Variants in PTPRD observed in about 807,000 individuals in gnomAD.
PTPRD encodes the protein receptor-type tyrosine-protein phosphatase delta.
In PTPRD, 34 loss-of-function variants were observed where a neutral mutation model predicts 214.5. That is an observed-to-expected ratio of 0.16 (90% confidence interval 0.12 to 0.21). The LOEUF is 0.21. Ranked by LOEUF, PTPRD falls within the 10% of genes least tolerant of loss-of-function variation. The probability of loss-of-function intolerance (pLI) is 1.00; values close to 1 mark genes in which losing one functional copy is unlikely to be tolerated. For missense variants in PTPRD, 2,545 were observed against 2,398.7 expected, an observed-to-expected ratio of 1.06 and a Z score of -1.27; for synonymous variants, 1,128 against 845.7, an observed-to-expected ratio of 1.33 and a Z score of -5.79.
chr9:9,420,246 G>T (rs1297714412), intron 8 of PTPRD, among the ~76,000 whole-genome samples: 2 of 151,716 alleles, frequency 1.3e-5, no homozygotes, highest in Non-Finnish European at 3.0e-5. Flanking sequence ...TTCTGTAGTG[G>T]ATCTGAAGTG....
At chr9:10,335,903 T>C (rs914992026) in intron 3 of PTPRD, among the ~76,000 whole-genome samples, 22 of 151,908 alleles carry the variant, frequency 1.4e-4, no homozygotes, top group Admixed American at 6.6e-4. Flanking sequence ...CAGTACGTAC[T>C]TATTAGAATG....
intron 2 of PTPRD, among the ~76,000 whole-genome samples, chr9:10,558,736 TTTACAAGTG>T (rs1441470678): frequency 6.6e-6 from 1 of 152,128 alleles, no homozygotes; most frequent in African/African-American, 2.4e-5. Flanking sequence ...TAGTACAACC[TTTACAAGTG>T]TTTGAAGAAT....
At chr9:9,967,990 T>C (rs2094825499) in intron 4 of PTPRD, among the ~76,000 whole-genome samples, 1 of 152,190 alleles carries the variant, frequency 6.6e-6, no homozygotes, top group Non-Finnish European at 1.5e-5. Flanking sequence ...AGAGAAGCTT[T>C]TGTATAAACT....
intron 10 of PTPRD, among the ~76,000 whole-genome samples, chr9:9,111,786 T>TA (rs1025102082): frequency 1.3e-5 from 2 of 152,260 alleles, no homozygotes; most frequent in South Asian, 2.1e-4. Context: ...AAACATTTTT[T>TA]AAAAAAACTC....
At position 9,938,295 on chromosome 9, in the gene PTPRD, A is replaced by G. The variant is rs185705310; in HGVS notation, c.-368+212T>C. ...TCCATTCATAGTTACCTGTTCTACAACTTGAAATTAGGTGGATTAAAAAGT... is the reference window on the plus strand; with the variant it reads ...TCCATTCATAGTTACCTGTTCTACAGCTTGAAATTAGGTGGATTAAAAAGT... On this transcript the variant is annotated intron_variant, in intron 5 of 45. Transcript: ENST00000381196. Among the ~76,000 whole-genome samples, 3 of 152,308 alleles carry G rather than the reference A, an allele frequency of 2.0e-5. No individual in the cohort carries two copies. The East Asian group carries it at 5.8e-4, about 29-fold the overall frequency.
intron 2 of PTPRD, among the ~76,000 whole-genome samples, chr9:10,489,821 C>T (rs1392717406): frequency 6.6e-6 from 1 of 152,080 alleles, no homozygotes; most frequent in African/African-American, 2.4e-5. Context: ...GGTGTGCTTT[C>T]CTCTCCCCAG....
At chr9:10,263,474 G>A (rs753972263) in intron 3 of PTPRD, among the ~76,000 whole-genome samples, 3 of 152,110 alleles carry the variant, frequency 2.0e-5, no homozygotes, top group Non-Finnish European at 2.9e-5. Flanking sequence ...ATGGAGATGA[G>A]GAACTTGTTG....
chr9:10,469,793 A>G (rs1361454735), intron 2 of PTPRD, among the ~76,000 whole-genome samples: 1 of 152,152 alleles, frequency 6.6e-6, no homozygotes, highest in Non-Finnish European at 1.5e-5. Context: ...AGAAAATGTC[A>G]TATGTATACA....
At chr9:8,470,974 G>C (rs1359120) in intron 31 of PTPRD, 21 bp downstream of exon 31, 2 of 1,592,448 alleles carry the variant, frequency 1.3e-6, no homozygotes, top group South Asian at 1.1e-5. Context: ...TAAAAGACAT[G>C]GCCAACAATG....
At chr9:10,148,698 T>C (rs2099040580) in intron 3 of PTPRD, among the ~76,000 whole-genome samples, 1 of 152,184 alleles carries the variant, frequency 6.6e-6, no homozygotes, top group Admixed American at 6.5e-5. Flanking sequence ...TGGCTGATAG[T>C]AGAATCACCT....
chr9:9,510,190 A>G (rs1027966362), intron 8 of PTPRD, among the ~76,000 whole-genome samples: 7 of 151,860 alleles, frequency 4.6e-5, no homozygotes, highest in African/African-American at 1.7e-4. Flanking sequence ...TGGCCTCATC[A>G]ACACTTATTT....
intron 10 of PTPRD, among the ~76,000 whole-genome samples, chr9:9,027,807 G>A (rs545705436): frequency 3.9e-5 from 6 of 151,954 alleles, no homozygotes; most frequent in East Asian, 1.9e-4. Context: ...GATCTGCTTT[G>A]TCAAACTTAT....
chr9:9,402,937 G>A lies in PTPRD; in HGVS notation c.-236-5455C>T, dbSNP rs138023840. Among the ~76,000 whole-genome samples, 918 of 121,706 alleles carry A rather than the reference G, an allele frequency of 7.5e-3. 6 individuals are homozygous for A. The highest frequency in any genetic ancestry group is 0.013 in the Non-Finnish European group (780 of 61,930). 79.8% of individuals were successfully genotyped at this position (121,706 alleles called of 152,430 possible). On this transcript the variant is annotated intron_variant, in intron 8 of 45. Transcript: ENST00000381196. ...GCATATGGTATGTGAAAATTACGGT[G>A]AGATGGTTCAACATTTGTCTAATAG...
chr9:10,019,125 C>G (rs567540380), intron 4 of PTPRD, among the ~76,000 whole-genome samples: 1 of 152,202 alleles, frequency 6.6e-6, no homozygotes, highest in South Asian at 2.1e-4. Context: ...AAGATATGAA[C>G]AGACACTTCT....
chr9:10,507,363 G>T (rs1037275724), intron 2 of PTPRD, among the ~76,000 whole-genome samples: 5 of 152,026 alleles, frequency 3.3e-5, no homozygotes, highest in Non-Finnish European at 5.9e-5. Flanking sequence ...CATGAAAATG[G>T]CCATATTGCC....
chr9:9,258,641 C>T (rs1227580480), intron 9 of PTPRD, among the ~76,000 whole-genome samples: 2 of 151,784 alleles, frequency 1.3e-5, no homozygotes, highest in African/African-American at 4.8e-5. Flanking sequence ...ACTCACCTTT[C>T]TTTTCCAAAA....
At chr9:9,607,856 G>C (rs2094271414) in intron 7 of PTPRD, among the ~76,000 whole-genome samples, 1 of 152,086 alleles carries the variant, frequency 6.6e-6, no homozygotes, top group African/African-American at 2.4e-5. Context: ...AAAGCTGTCA[G>C]GTGGGTAGTG....
chr9:10,490,108 C>G (rs1047844122), intron 2 of PTPRD, among the ~76,000 whole-genome samples: 1 of 152,048 alleles, frequency 6.6e-6, no homozygotes, highest in Non-Finnish European at 1.5e-5. Context: ...TCTCAGTAGT[C>G]AATTTAAAGT....
rs536153236 is a variant in PTPRD, at chr9:9,872,050, T to C, written c.-368+66457A>G. Among the ~76,000 whole-genome samples the C allele has an allele frequency of 1.2e-3, 179 of 152,206 alleles. 1 individual carries two copies. Among genetic ancestry groups the C allele is most frequent in the African/African-American group, 4.1e-3 (172 of 41,554 alleles). On this transcript the variant is annotated intron_variant, in intron 5 of 45. Transcript: ENST00000381196. Reference sequence around the variant, plus strand: ...GACTTGACAATAGTACCACAGACTATTGTCTGTGGTGGGGTCATGATGGCT... The same window carrying C: ...GACTTGACAATAGTACCACAGACTACTGTCTGTGGTGGGGTCATGATGGCT...
Sources: allele counts gnomAD v4.1 joint callset (sites outside exome capture counted in the v4.1 genomes callset), GRCh38; gene constraint gnomAD v4.1.1; transcripts MANE v1.5; gene names NCBI Gene and HGNC (gene_info 2026-07-23, HGNC 2026-07-21).